The following B3GALT1 variants were observed in gnomAD, a reference collection of about 807,000 sequenced individuals.
B3GALT1 encodes UDP-Gal:betaGlcNAc beta 1,3-galactosyltransferase, polypeptide 1.
A neutral mutation model predicts 23.2 loss-of-function variants in B3GALT1; 10 were observed. The ratio of observed to expected loss-of-function variants is 0.43; its 90% CI spans 0.27 to 0.73. The LOEUF is 0.73. Ranked by LOEUF, B3GALT1 falls within the 30% of genes least tolerant of loss-of-function variation. The pLI is 0.21. For missense variants in B3GALT1, 299 were observed against 405.4 expected (o/e 0.74, Z 2.25); for synonymous variants, 156 against 141.5 (o/e 1.10, Z -0.73).
intron 2 of B3GALT1, among the ~76,000 whole-genome samples, chr2:167,550,444 A>G (rs749226970): frequency 2.0e-5 from 3 of 152,240 alleles, no homozygotes; most frequent in African/African-American, 7.2e-5. Flanking sequence ...GCAGTAAAGT[A>G]TCTCAAACCC....
At chr2:167,731,594 T>C (rs1418898381) in intron 3 of B3GALT1, among the ~76,000 whole-genome samples, 1 of 152,252 alleles carries the variant, frequency 6.6e-6, no homozygotes, top group Non-Finnish European at 1.5e-5. Flanking sequence ...CTTTTCCCAA[T>C]ATCTTTTTCT....
chr2:167,514,402 A>G (rs1027152306), intron 2 of B3GALT1, among the ~76,000 whole-genome samples: 3 of 152,170 alleles, frequency 2.0e-5, no homozygotes, highest in East Asian at 3.8e-4. Flanking sequence ...ACATTAGATG[A>G]TTGTCAGACA....
At chr2:167,446,647 A>G (rs948780479) in intron 1 of B3GALT1, among the ~76,000 whole-genome samples, 10 of 152,134 alleles carry the variant, frequency 6.6e-5, no homozygotes, top group Non-Finnish European at 1.2e-4. Context: ...TTTTCAGTTG[A>G]TCAAATCGGC....
intron 1 of B3GALT1, among the ~76,000 whole-genome samples, chr2:167,328,101 G>T (rs1696924201): frequency 6.6e-6 from 1 of 152,106 alleles, no homozygotes; most frequent in African/African-American, 2.4e-5. Context: ...TCTTTTCAAA[G>T]TGTTGTTGAG....
intron 2 of B3GALT1, among the ~76,000 whole-genome samples, chr2:167,561,677 C>A (rs1683994031): frequency 6.6e-6 from 1 of 152,210 alleles, no homozygotes; most frequent in Non-Finnish European, 1.5e-5. Flanking sequence ...ACTACAAACA[C>A]CTCTACGCAA....
chr2:167,491,904 C>T (rs1320782109), intron 2 of B3GALT1, among the ~76,000 whole-genome samples: 1 of 152,014 alleles, frequency 6.6e-6, no homozygotes, highest in Non-Finnish European at 1.5e-5. Context: ...TCAATCCACA[C>T]TCAGTTTTCA....
intron 1 of B3GALT1, among the ~76,000 whole-genome samples, chr2:167,362,292 T>C (rs1697511402): frequency 6.6e-6 from 1 of 152,246 alleles, no homozygotes; most frequent in South Asian, 2.1e-4. Context: ...ATAAATGGAA[T>C]GTAATTAGTC....
At chr2:167,660,826 T>G (rs542210706) in intron 3 of B3GALT1, among the ~76,000 whole-genome samples, 12 of 152,158 alleles carry the variant, frequency 7.9e-5, no homozygotes, top group Non-Finnish European at 1.6e-4. Flanking sequence ...TGCATTGCAT[T>G]GCAAGATAAA....
At chr2:167,479,973 T>C (rs1474688615) in intron 1 of B3GALT1, among the ~76,000 whole-genome samples, 1 of 152,082 alleles carries the variant, frequency 6.6e-6, no homozygotes, top group Non-Finnish European at 1.5e-5. Flanking sequence ...AGTCTGCCTC[T>C]GGCTGGGGCC....
chr2:167,842,548 T>C (rs1689672069), intron 4 of B3GALT1, among the ~76,000 whole-genome samples: 1 of 152,226 alleles, frequency 6.6e-6, no homozygotes, highest in Admixed American at 6.5e-5. Flanking sequence ...TTTAACTGTA[T>C]GTATAATTTT....
intron 4 of B3GALT1, among the ~76,000 whole-genome samples, chr2:167,853,880 G>A (rs751039558): frequency 6.6e-6 from 1 of 152,122 alleles, no homozygotes; most frequent in African/African-American, 2.4e-5. Flanking sequence ...TTCCCTGAGA[G>A]AGATAATCAG....
chr2:167,383,860 C>T (rs1303070980), intron 1 of B3GALT1, among the ~76,000 whole-genome samples: 3 of 152,216 alleles, frequency 2.0e-5, no homozygotes, highest in Non-Finnish European at 4.4e-5. Flanking sequence ...CCTAATGTAG[C>T]TTCTTCCGCA....
intron 3 of B3GALT1, among the ~76,000 whole-genome samples, chr2:167,670,769 A>C (rs538352301): frequency 6.6e-6 from 1 of 152,316 alleles, no homozygotes; most frequent in Non-Finnish European, 1.5e-5. Context: ...TAAAAAATAC[A>C]ATAGAGAGCT....
At chr2:167,509,740 T>C (rs548802540) in intron 2 of B3GALT1, among the ~76,000 whole-genome samples, 1 of 152,034 alleles carries the variant, frequency 6.6e-6, no homozygotes, top group Non-Finnish European at 1.5e-5. Flanking sequence ...GGGAGAGGAA[T>C]GGAGGATGAG....
At chr2:167,314,438 A>G (rs1696680618) in intron 1 of B3GALT1, among the ~76,000 whole-genome samples, 1 of 152,098 alleles carries the variant, frequency 6.6e-6, no homozygotes, top group Non-Finnish European at 1.5e-5. Context: ...CTCTGCTCAT[A>G]TATGTTTGCC....
chr2:167,332,845 T>G (rs750529422), intron 1 of B3GALT1, among the ~76,000 whole-genome samples: 10 of 152,208 alleles, frequency 6.6e-5, no homozygotes, highest in Non-Finnish European at 1.5e-4. Flanking sequence ...GACAAGCTGG[T>G]ACAAATCTTT....
At chr2:167,866,903 G>C (rs964444912) in intron 4 of B3GALT1, among the ~76,000 whole-genome samples, 1 of 152,160 alleles carries the variant, frequency 6.6e-6, no homozygotes, top group East Asian at 1.9e-4. Context: ...TTGAAATGGA[G>C]TCCATGTCTG....
rs10167349 is a variant in B3GALT1 at position 167,815,496 on chromosome 2, G to A, written c.-351-3176G>A. Among the ~76,000 whole-genome samples the A allele has an allele frequency of 5.4e-3, 818 of 152,276 alleles. 7 individuals carry two copies. Among genetic ancestry groups the A allele is most frequent in the African/African-American group, 0.019 (773 of 41,556 alleles). On this transcript the variant is annotated intron_variant, in intron 3 of 4. Transcript: ENST00000392690. ...CCAGGATCAAATGTAGCCAGATGCT[G>A]ACATTAGAGATCCACAGTACAAAGT...
At chr2:167,559,832 G>A (rs1422753070) in intron 2 of B3GALT1, among the ~76,000 whole-genome samples, 1 of 152,190 alleles carries the variant, frequency 6.6e-6, no homozygotes, top group Admixed American at 6.5e-5. Flanking sequence ...CGTCTGATTG[G>A]TGTACCTCAA....
Sources: allele counts gnomAD v4.1 joint callset (sites outside exome capture counted in the v4.1 genomes callset), GRCh38; gene constraint gnomAD v4.1.1; transcripts MANE v1.5; gene names NCBI Gene and HGNC (gene_info 2026-07-23, HGNC 2026-07-21).